CTNNA3: variants seen among roughly 807,000 people sequenced by gnomAD.
CTNNA3 encodes catenin alpha 3, also known as catenin alpha-3.
Under a neutral mutation model 95.7 loss-of-function variants are expected in CTNNA3, and 76 were observed. That is an observed-to-expected ratio of 0.79 (90% CI 0.66 to 0.96). The LOEUF (loss-of-function observed/expected upper bound fraction) is 0.96, where lower values mean the gene tolerates loss of function less well. CTNNA3 is among the 40% of genes least tolerant of loss of function. The pLI, the probability that CTNNA3 is intolerant of heterozygous loss-of-function variation, is 0.00. For synonymous variants in CTNNA3, 431 were observed against 374.4 expected, an observed-to-expected ratio of 1.15 and a Z score of -1.74; for missense variants, 1,191 against 1,089.8, an observed-to-expected ratio of 1.09 and a Z score of -1.31.
At chr10:66,797,742 G>T (rs1020726047) in intron 7 of CTNNA3, among the ~76,000 whole-genome samples, 7 of 151,780 alleles carry the variant, frequency 4.6e-5, no homozygotes, top group African/African-American at 1.7e-4. Context: ...TAGACCTCAG[G>T]TTACTTATTT....
At chr10:66,560,963 G>A (rs1055635335) in intron 10 of CTNNA3, among the ~76,000 whole-genome samples, 4 of 151,892 alleles carry the variant, frequency 2.6e-5, no homozygotes, top group Admixed American at 6.6e-5. Context: ...CCAACACCTT[G>A]ATCTTAAACT....
intron 9 of CTNNA3, among the ~76,000 whole-genome samples, chr10:66,760,150 T>C (rs1258719868): frequency 6.6e-6 from 1 of 152,148 alleles, no homozygotes; most frequent in Non-Finnish European, 1.5e-5. Context: ...TTGTTAAAGG[T>C]TAGAAATTTT....
At chr10:67,342,223 T>C (rs1413829762) in intron 5 of CTNNA3, among the ~76,000 whole-genome samples, 1 of 145,886 alleles carries the variant, frequency 6.9e-6, no homozygotes, top group Non-Finnish European at 1.5e-5. Context: ...TGCCTCAGCC[T>C]CCCGAATAGC....
rs1403723652 is a variant in CTNNA3 at position 66,845,706 on chromosome 10, A to AAAAAAAAAAAAC, written c.1048-70183_1048-70182insGTTTTTTTTTTT. 9.7e-3 allele frequency among the ~76,000 whole-genome samples: 891 copies of AAAAAAAAAAAAC among 91,710 alleles called. 82 individuals are homozygous for AAAAAAAAAAAAC. Among genetic ancestry groups the AAAAAAAAAAAAC allele is most frequent in the African/African-American group, 0.058 (867 of 14,974 alleles). 60.2% of individuals were successfully genotyped at this position (91,710 alleles called of 152,430 possible). Reference sequence around the variant, plus strand: ...TAACAACAGCAAAACTCTGTCTCAAAAAAAAAAAAAAAAAAAAAAAAAACT... The same window carrying AAAAAAAAAAAAC: ...TAACAACAGCAAAACTCTGTCTCAAAAAAAAAAAAAACAAAAAAAAAAAAAAAAAAAAAAACT... On this transcript the variant is annotated intron_variant, in intron 7 of 17. Coordinates refer to ENST00000433211, the MANE Select transcript of CTNNA3 (RefSeq NM_013266.4).
At chr10:65,955,623 T>C (rs1010657396) in intron 17 of CTNNA3, among the ~76,000 whole-genome samples, 1 of 152,214 alleles carries the variant, frequency 6.6e-6, no homozygotes, top group Non-Finnish European at 1.5e-5. Context: ...GTCAAAGGCC[T>C]TTTCTGCATC....
At chr10:66,701,468 T>C (rs1320655150) in intron 9 of CTNNA3, among the ~76,000 whole-genome samples, 1 of 152,204 alleles carries the variant, frequency 6.6e-6, no homozygotes, top group Non-Finnish European at 1.5e-5. Context: ...TTAACACTGT[T>C]ACAGTTTCAA....
intron 7 of CTNNA3, among the ~76,000 whole-genome samples, chr10:67,131,546 G>T (rs528710568): frequency 6.6e-6 from 1 of 152,094 alleles, no homozygotes; most frequent in East Asian, 1.9e-4. Context: ...AAGGAGGCTT[G>T]GTTCCCACTG....
intron 5 of CTNNA3, among the ~76,000 whole-genome samples, chr10:67,245,439 A>G (rs1865868124): frequency 6.6e-6 from 1 of 152,192 alleles, no homozygotes; most frequent in African/African-American, 2.4e-5. Context: ...ATGAAGGTAC[A>G]TAAGAGGTGA....
At chr10:66,617,815 C>A (rs980924922) in intron 10 of CTNNA3, among the ~76,000 whole-genome samples, 1 of 151,742 alleles carries the variant, frequency 6.6e-6, no homozygotes, top group Admixed American at 6.6e-5. Flanking sequence ...GAAAACCCCA[C>A]TGTCTCAGCC....
At chr10:67,223,285 T>C (rs2044030449) in intron 5 of CTNNA3, among the ~76,000 whole-genome samples, 1 of 152,200 alleles carries the variant, frequency 6.6e-6, no homozygotes, top group African/African-American at 2.4e-5. Flanking sequence ...TAAATGTATG[T>C]TGTGGTAGTG....
intron 9 of CTNNA3, among the ~76,000 whole-genome samples, chr10:66,682,157 C>T (rs1305034889): frequency 6.6e-6 from 1 of 152,246 alleles, no homozygotes; most frequent in South Asian, 2.1e-4. Context: ...CCAGAATTAT[C>T]TATTTTCCCA....
chr10:67,534,789 C>T (rs983619857), intron 4 of CTNNA3, among the ~76,000 whole-genome samples: 1 of 152,020 alleles, frequency 6.6e-6, no homozygotes, highest in Non-Finnish European at 1.5e-5. Context: ...GAAGCAAAAG[C>T]TTGGAGACAG....
intron 15 of CTNNA3, among the ~76,000 whole-genome samples, chr10:66,035,327 C>T (rs2079537948): frequency 6.6e-6 from 1 of 152,090 alleles, no homozygotes; most frequent in Non-Finnish European, 1.5e-5. Flanking sequence ...AAGCACTTTT[C>T]CTCTCACCTC....
chr10:66,976,182 G>A (rs984228180), intron 7 of CTNNA3, among the ~76,000 whole-genome samples: 1 of 152,094 alleles, frequency 6.6e-6, no homozygotes, highest in East Asian at 1.9e-4. Context: ...ATAATTTAAA[G>A]TAACTCATGA....
chr10:66,582,142 A>G (rs527999553), intron 10 of CTNNA3, among the ~76,000 whole-genome samples: 8 of 151,856 alleles, frequency 5.3e-5, no homozygotes, highest in Admixed American at 2.0e-4. Flanking sequence ...TTTTGGTTCC[A>G]TGTGAATTTT....
At chr10:66,820,381 A>G (rs1020186758) in intron 7 of CTNNA3, among the ~76,000 whole-genome samples, 4 of 152,050 alleles carry the variant, frequency 2.6e-5, no homozygotes, top group Non-Finnish European at 5.9e-5. Flanking sequence ...TGAGGTGACG[A>G]AAATATACTA....
intron 11 of CTNNA3, among the ~76,000 whole-genome samples, chr10:66,510,382 T>C (rs1840612561): frequency 6.6e-6 from 1 of 151,944 alleles, no homozygotes; most frequent in South Asian, 2.1e-4. Flanking sequence ...GATGGCAATT[T>C]CTTACTTTCT....
chr10:66,887,175 A>G (rs1282755713), intron 7 of CTNNA3, among the ~76,000 whole-genome samples: 1 of 152,128 alleles, frequency 6.6e-6, no homozygotes, highest in Non-Finnish European at 1.5e-5. Context: ...CAGTTATACA[A>G]TATATATTTG....
chr10:66,240,203 G>GA (rs938013501), intron 13 of CTNNA3, among the ~76,000 whole-genome samples: 5 of 151,802 alleles, frequency 3.3e-5, no homozygotes, highest in African/African-American at 1.2e-4. Flanking sequence ...ATTTTCTTAG[G>GA]AAACTCCAGG....
Sources: allele counts gnomAD v4.1 joint callset (sites outside exome capture counted in the v4.1 genomes callset), GRCh38; gene constraint gnomAD v4.1.1; transcripts MANE v1.5; gene names NCBI Gene and HGNC (gene_info 2026-07-23, HGNC 2026-07-21).